Variants in MAP3K2 observed in about 807,000 individuals in gnomAD.
MAP3K2 encodes mitogen-activated protein kinase kinase kinase 2.
MAP3K2 carries 24 observed loss-of-function variants against 80.3 expected under a neutral mutation model. The observed-to-expected ratio is 0.30, with a 90% CI of 0.22 to 0.42. The LOEUF (loss-of-function observed/expected upper bound fraction) is 0.42, where lower values mean the gene tolerates loss of function less well. MAP3K2 is among the 10% of genes least tolerant of loss of function. MAP3K2 has a pLI of 1.00. For missense variants in MAP3K2, 608 were observed against 750.1 expected (o/e 0.81, Z 2.21); for synonymous variants, 244 against 253.7 (o/e 0.96, Z 0.36).
intron 1 of MAP3K2, among the ~76,000 whole-genome samples, chr2:127,351,329 A>C (rs139924011): frequency 3.3e-5 from 5 of 152,196 alleles, no homozygotes; most frequent in African/African-American, 1.2e-4. Flanking sequence ...AAACTAAAAT[A>C]TTGTGGGGTG....
intron 1 of MAP3K2, among the ~76,000 whole-genome samples, chr2:127,353,599 C>A (rs1686741364): frequency 6.6e-6 from 1 of 151,716 alleles, no homozygotes; most frequent in Non-Finnish European, 1.5e-5. Flanking sequence ...TGGCCAGCCG[C>A]CCCGTCCGGG....
At position 127,312,380 on chromosome 2, in the gene MAP3K2, T is replaced by C. The variant is rs191854318; in HGVS notation, c.1456+2374A>G. On this transcript the variant is annotated intron_variant, in intron 15 of 16. Transcript: ENST00000682094. ...TTCATTATGACTTCACGGGTCTAAA[T>C]TGAAAACCAATCAACTATCTTCCTT... 2.0e-3 allele frequency among the ~76,000 whole-genome samples: 309 copies of C among 152,332 alleles called. 4 individuals carry two copies. Among genetic ancestry groups the C allele is most frequent in the African/African-American group, 6.6e-3 (275 of 41,574 alleles).
At chr2:127,329,366 C>CT (rs10625897) in intron 7 of MAP3K2, among the ~76,000 whole-genome samples, 1 of 146,416 alleles carries the variant, frequency 6.8e-6, no homozygotes. Flanking sequence ...CAATTAAAAC[C>CT]TTTTTTTTTG....
At chr2:127,336,997 C>G (rs1686385930) in intron 4 of MAP3K2, among the ~76,000 whole-genome samples, 1 of 152,074 alleles carries the variant, frequency 6.6e-6, no homozygotes, top group Non-Finnish European at 1.5e-5. Context: ...CGAAAATTAG[C>G]CAGGCATGGT....
intron 2 of MAP3K2, among the ~76,000 whole-genome samples, chr2:127,340,997 G>T (rs72845983): frequency 0.034 from 5,154 of 151,962 alleles, 126 homozygotes; most frequent in Middle Eastern, 0.071. Flanking sequence ...GGGGGACGGG[G>T]GAAGCAAGGG....
intron 5 of MAP3K2, among the ~76,000 whole-genome samples, chr2:127,333,584 T>C (rs1255415761): frequency 6.6e-6 from 1 of 152,184 alleles, no homozygotes; most frequent in Non-Finnish European, 1.5e-5. Context: ...TGGGACAATA[T>C]GTCAAGATAT....
chr2:127,318,081 T>G, intron 13 of MAP3K2, 88 bp downstream of exon 13: 1 of 1,081,616 alleles, frequency 9.2e-7, no homozygotes, highest in East Asian at 2.8e-5. Context: ...ATGCTTCTTA[T>G]TTAGAATGGA....
intron 1 of MAP3K2, among the ~76,000 whole-genome samples, chr2:127,366,885 T>TG (rs1686982713): frequency 7.0e-6 from 1 of 142,976 alleles, no homozygotes; most frequent in East Asian, 2.0e-4. Context: ...TTTTTTTTTT[T>TG]TTTTGAGACA....
intron 1 of MAP3K2, among the ~76,000 whole-genome samples, chr2:127,383,874 A>ATTTT (rs111243354): frequency 8.5e-5 from 12 of 141,358 alleles, no homozygotes; most frequent in African/African-American, 1.3e-4. Flanking sequence ...GCAACAAATA[A>ATTTT]TTTTTTTTTT....
chr2:127,313,253 G>A (rs769196631), intron 15 of MAP3K2, among the ~76,000 whole-genome samples: 34 of 152,116 alleles, frequency 2.2e-4, no homozygotes, highest in Admixed American at 1.1e-3. Context: ...CCTTTGCCTT[G>A]CCTCATTATG....
chr2:127,356,816 A>C (rs1207364897), intron 1 of MAP3K2, among the ~76,000 whole-genome samples: 1 of 152,254 alleles, frequency 6.6e-6, no homozygotes, highest in Admixed American at 6.5e-5. Context: ...ACACTGGTCT[A>C]GGCAAAGAAT....
At chr2:127,363,163 G>C (rs1410719877) in intron 1 of MAP3K2, among the ~76,000 whole-genome samples, 1 of 152,092 alleles carries the variant, frequency 6.6e-6, no homozygotes, top group Non-Finnish European at 1.5e-5. Flanking sequence ...GGGGATTTTG[G>C]TATTTGTGGG....
chr2:127,340,803 C>T (rs1686464802), intron 2 of MAP3K2, among the ~76,000 whole-genome samples: 3 of 151,980 alleles, frequency 2.0e-5, no homozygotes, highest in South Asian at 4.1e-4. Flanking sequence ...AGCGATCCTC[C>T]CACCTTGGCC....
chr2:127,365,116 CAAAAAAAAAAAAAAAAAAAAA>C (rs10558890), intron 1 of MAP3K2, among the ~76,000 whole-genome samples: 797 of 31,666 alleles, frequency 0.025, 26 homozygotes, highest in Middle Eastern at 0.13. Flanking sequence ...GACTCTGCCT[CAAAAAAAAAAAAAAAAAAAAA>C]AAAAAAAAAA....
chr2:127,307,713 G>T lies in MAP3K2; in HGVS notation c.1726C>A (p.Gln576Lys). ...AMAAIFKIAT[Q>K]PTNPKLPPHV... ...GGTGGCAGCTTTGGGTTTGTTGGCT[G>T]AGTGGCGATTTTAAAGATGGCAGCC... Residue 576 changes from glutamine (Q) to lysine (K), a missense_variant, in exon 17 of 17, where the codon CAG (glutamine) becomes AAG (lysine). Physicochemically the swap from Gln to Lys is moderately conservative, Grantham distance 53. Around this residue, in one of 4 missense-constraint regions of MAP3K2, gnomAD observed 42 missense variants for 53.7 expected, o/e 0.78. Transcript: ENST00000682094. The surrounding 1 kb of genome is among the most constrained non-coding windows in gnomAD (Gnocchi z 5.4). The T allele has an allele frequency of 6.3e-7, 1 of 1,597,586 alleles. No individual in the cohort carries two copies.
At chr2:127,343,592 A>G (rs1573994398) in intron 1 of MAP3K2, among the ~76,000 whole-genome samples, 3 of 152,222 alleles carry the variant, frequency 2.0e-5, no homozygotes, top group East Asian at 3.8e-4. Context: ...TAGGAAACTA[A>G]TATGTTGGTT....
upstream of MAP3K2, chr2:127,388,225 C>T (rs1027971030): frequency 2.3e-6 from 2 of 863,152 alleles, no homozygotes; most frequent in African/African-American, 5.1e-5. Flanking sequence ...CTGTGCTGTT[C>T]CGTGTGCGCG....
intron 1 of MAP3K2, among the ~76,000 whole-genome samples, chr2:127,382,982 A>G (rs957366361): frequency 1.3e-5 from 2 of 152,252 alleles, no homozygotes; most frequent in African/African-American, 2.4e-5. Flanking sequence ...CTGGACTGGA[A>G]GCATGGTGCT....
At chr2:127,332,951 G>A (rs1686287344) in intron 5 of MAP3K2, among the ~76,000 whole-genome samples, 2 of 151,900 alleles carry the variant, frequency 1.3e-5, no homozygotes, top group Admixed American at 1.3e-4. Context: ...GCAACATGGT[G>A]AAACCACATC....
Sources: gnomAD v4.1 joint callset for allele counts (sites outside exome capture counted in the v4.1 genomes callset) on GRCh38, gnomAD v4.1.1 for gene constraint, gnomAD v4.1.1 regional missense constraint, Gnocchi (gnomAD v3.1) non-coding constraint, MANE v1.5 for transcripts, NCBI Gene and HGNC (gene_info 2026-07-23, HGNC 2026-07-21) for gene names.